ASPA: variants seen among roughly 807,000 people sequenced by gnomAD.
ASPA encodes aspartoacylase.
ASPA carries 25 observed loss-of-function variants against 29.6 expected under a neutral mutation model. The ratio of observed to expected loss-of-function variants is 0.85; its 90% CI spans 0.62 to 1.18. ASPA has a LOEUF of 1.18. Ranked by LOEUF, ASPA falls within the 50% of genes most tolerant of loss-of-function variation. The pLI, the probability that ASPA is intolerant of heterozygous loss-of-function variation, is 0.00. For missense variants in ASPA, 333 were observed against 385.7 expected, an observed-to-expected ratio of 0.86 and a Z score of 1.14; for synonymous variants, 131 against 130.3, an observed-to-expected ratio of 1.01 and a Z score of -0.04.
chr17:3,486,733 G>A (rs2073729168), intron 3 of ASPA, among the ~76,000 whole-genome samples: 1 of 152,098 alleles, frequency 6.6e-6, no homozygotes, highest in Admixed American at 6.6e-5. Flanking sequence ...AAGCAGGTTG[G>A]CAAACAATAT....
chr17:3,474,751 T>C (rs1417871966), upstream of ASPA, among the ~76,000 whole-genome samples: 2 of 152,238 alleles, frequency 1.3e-5, no homozygotes, highest in Non-Finnish European at 2.9e-5. Context: ...TTTGTATGCA[T>C]GTTTGTTTCC....
intron 3 of ASPA, among the ~76,000 whole-genome samples, chr17:3,487,334 A>G (rs1303992823): frequency 1.3e-5 from 2 of 152,216 alleles, no homozygotes; most frequent in African/African-American, 2.4e-5. Context: ...AAATATTCCA[A>G]ATAAAACAGC....
chr17:3,490,511 G>A lies in ASPA; in HGVS notation c.634+1169G>A, dbSNP rs1367177088. On this transcript the variant is annotated intron_variant, in intron 4 of 5. Transcript: ENST00000263080. The surrounding 1 kb of genome is among the most constrained non-coding windows in gnomAD (Gnocchi z 4.6). ...GGGGGTGTGTACTTCGGTGTCTGTG[G>A]GGAGTGAATTCCTCAACCTCAGATC... is the stretch of plus-strand genomic sequence containing the variant. Among the ~76,000 whole-genome samples the A allele has an allele frequency of 6.6e-6, 1 of 151,328 alleles. No homozygotes were observed. Among genetic ancestry groups the A allele is most frequent in the Non-Finnish European group, 1.5e-5 (1 of 67,704 alleles).
At position 3,501,952 on chromosome 17, in the gene ASPA, CAAAAAAAA is replaced by C. The variant is rs35886989; in HGVS notation, c.*2879_*2886del. 6.8e-6 allele frequency: 1 copy of C among 147,308 alleles called. No individual in the cohort carries two copies. The highest frequency in any genetic ancestry group is 2.6e-5 in the African/African-American group (1 of 38,432). The allele number at this position is 147,308 out of a possible 1,614,324, so 9.1% of individuals were successfully genotyped here. ...TGGTGGACACAGCAAGCCTCCATCTCAAAAAAAAAAAAAAAAAAAAAATGAGTTCTACT... is the reference window on the plus strand; with the variant it reads ...TGGTGGACACAGCAAGCCTCCATCTCAAAAAAAAAAAAAATGAGTTCTACT... On this transcript the variant is annotated 3_prime_UTR_variant, in exon 6 of 6. Coordinates refer to ENST00000263080, the MANE Select transcript of ASPA (RefSeq NM_000049.4).
chr17:3,480,785 C>T (rs1466801249), intron 1 of ASPA, among the ~76,000 whole-genome samples: 1 of 152,160 alleles, frequency 6.6e-6, no homozygotes, highest in Non-Finnish European at 1.5e-5. Flanking sequence ...AAGTTCCTCC[C>T]AAAGTTAGTT....
intron 1 of ASPA, among the ~76,000 whole-genome samples, chr17:3,478,058 A>T (rs1360715930): frequency 6.6e-6 from 1 of 151,972 alleles, no homozygotes; most frequent in African/African-American, 2.4e-5. Context: ...GGTGGCGGGC[A>T]CCTGTAGTCC....
chr17:3,493,560 CAAAAAAAA>C (rs746229421), intron 4 of ASPA, among the ~76,000 whole-genome samples: 1 of 56,370 alleles, frequency 1.8e-5, no homozygotes, highest in African/African-American at 7.4e-5. Flanking sequence ...GGTTCCATCT[CAAAAAAAA>C]AAAAAAAAAA....
At chr17:3,483,961 A>G (rs1274657514) in intron 3 of ASPA, among the ~76,000 whole-genome samples, 2 of 152,104 alleles carry the variant, frequency 1.3e-5, no homozygotes. Flanking sequence ...TGGCCGAGAA[A>G]ATTATTTTTA....
intron 1 of ASPA, among the ~76,000 whole-genome samples, chr17:3,477,587 G>A (rs1189452328): frequency 6.6e-6 from 1 of 151,900 alleles, no homozygotes; most frequent in Non-Finnish European, 1.5e-5. Flanking sequence ...CGAGTAGCTG[G>A]GATTACAGGC....
At chr17:3,487,534 C>G (rs1429142867) in intron 3 of ASPA, among the ~76,000 whole-genome samples, 5 of 152,138 alleles carry the variant, frequency 3.3e-5, no homozygotes, top group Admixed American at 3.3e-4. Context: ...GTTTGGAAAT[C>G]TTAAGCTTTT....
chr17:3,480,722 G>C (rs1232180186), intron 1 of ASPA, among the ~76,000 whole-genome samples: 1 of 152,188 alleles, frequency 6.6e-6, no homozygotes. Flanking sequence ...AGGTAGGAAG[G>C]GGGCTTGTTT....
upstream of ASPA, chr17:3,475,989 C>G (rs148112982): frequency 1.6e-6 from 1 of 642,214 alleles, no homozygotes; most frequent in Non-Finnish European, 2.7e-6. Context: ...TGTCCATAAA[C>G]GGGGCTCAGA....
intron 5 of ASPA, among the ~76,000 whole-genome samples, chr17:3,496,833 G>A (rs577494753): frequency 1.3e-5 from 2 of 152,312 alleles, no homozygotes; most frequent in East Asian, 1.9e-4. Context: ...TTGGGAGGCC[G>A]AGGCGGGCGG....
Position 3,494,357 on chromosome 17 carries a change from A to G in ASPA, c.642A>G (p.Glu214=). 1 of 1,607,284 alleles carries G rather than the reference A, an allele frequency of 6.2e-7. No individual in the cohort carries two copies. Among genetic ancestry groups the G allele is most frequent in the Non-Finnish European group, 8.5e-7 (1 of 1,173,802 alleles). The change falls in exon 5 of 6, where the codon GAA becomes GAG. Residue 214 remains glutamate, a synonymous_variant. Transcript: ENST00000263080. ...ATATTGTTTTTGTCATAGGAAAAGA[A>G]TTTCCTCCCTGCGCCATTGAGGTCT... is the stretch of plus-strand genomic sequence containing the variant. ...DFIHHFNEGK[E]FPPCAIEVYK... is the part of the protein sequence containing the mutation.
At chr17:3,482,321 C>T (rs1159050261) in intron 2 of ASPA, among the ~76,000 whole-genome samples, 1 of 152,140 alleles carries the variant, frequency 6.6e-6, no homozygotes, top group Non-Finnish European at 1.5e-5. Flanking sequence ...TTGATTTAGA[C>T]ACCCCAGAAT....
intron 3 of ASPA, among the ~76,000 whole-genome samples, chr17:3,484,243 C>A (rs2073682344): frequency 1.3e-5 from 2 of 152,154 alleles, no homozygotes; most frequent in South Asian, 4.1e-4. Context: ...GAAATGTGTA[C>A]ATTTGACTAA....
rs533427791 is a variant in ASPA at position 3,490,267 on chromosome 17, G to A, written c.634+925G>A. On this transcript the variant is annotated intron_variant, in intron 4 of 5. Coordinates refer to ENST00000263080, the MANE Select transcript of ASPA (RefSeq NM_000049.4). The surrounding 1 kb of genome is among the most constrained non-coding windows in gnomAD (Gnocchi z 4.6). The stretch of plus-strand genomic sequence containing the variant: ...TTCTGTAATTAAAAATTAATTAAAC[G>A]GGGACTGGTGGACAAGGTGGGTATA... 3.2e-4 allele frequency among the ~76,000 whole-genome samples: 49 copies of A among 152,214 alleles called. 1 individual carries two copies. The South Asian group carries it at 8.5e-3, about 26-fold the overall frequency.
intron 3 of ASPA, among the ~76,000 whole-genome samples, chr17:3,484,347 TA>T (rs2073683768): frequency 6.6e-6 from 1 of 152,142 alleles, no homozygotes; most frequent in Non-Finnish European, 1.5e-5. Flanking sequence ...AACAGCTTCG[TA>T]TGTGATGAGA....
In ASPA at chr17:3,502,476, G is replaced by A. The variant is rs770615813; in HGVS notation, c.*3388G>A. On this transcript the variant is annotated 3_prime_UTR_variant, in exon 6 of 6. Coordinates refer to ENST00000263080, the MANE Select transcript of ASPA (RefSeq NM_000049.4). ...TATTTTTTTCAATTTTTATATTTGG[G>A]TTAATGGTAATATACTAAGCGTCCA... 2 of 152,150 alleles carry A rather than the reference G, an allele frequency of 1.3e-5. No individual in the cohort carries two copies. Among genetic ancestry groups the A allele is most frequent in the Admixed American group, 6.5e-5 (1 of 15,272 alleles). The allele number at this position is 152,150 out of a possible 1,614,324, so 9.4% of individuals were successfully genotyped here. A position where few individuals can be genotyped will look rare whatever the true frequency, so the allele number is the denominator to read the frequency against.
Sources: allele counts gnomAD v4.1 joint callset (sites outside exome capture counted in the v4.1 genomes callset), GRCh38; gene constraint gnomAD v4.1.1; non-coding constraint Gnocchi (gnomAD v3.1); transcripts MANE v1.5; gene names NCBI Gene and HGNC (gene_info 2026-07-23, HGNC 2026-07-21).